The following BICD1 variants were observed in gnomAD, a reference collection of about 807,000 sequenced individuals.
BICD1 encodes the protein BICD cargo adaptor 1.
BICD1 carries 35 observed loss-of-function variants against 92.5 expected under a neutral mutation model. That is an observed-to-expected ratio of 0.38 (90% confidence interval 0.29 to 0.50). BICD1 has a LOEUF of 0.50. BICD1 is among the 20% of genes least tolerant of loss of function. The pLI is 0.93. For missense variants in BICD1, 950 were observed against 1,189.8 expected (o/e 0.80, Z 2.97); for synonymous variants, 429 against 465.1 (o/e 0.92, Z 1.00).
At position 32,153,957 on chromosome 12, in the gene BICD1, G is replaced by A. The variant is rs549652097; in HGVS notation, c.213+46413G>A. Among the ~76,000 whole-genome samples the A allele has an allele frequency of 8.3e-4, 126 of 152,042 alleles. 4 individuals carry two copies. In the South Asian group the frequency reaches 0.024, roughly 30 times the overall value. ...CTGGTCACCATCACTGAATGCTTGC[G>A]GTAGCCATGTGAACATTGTTTATTG... On this transcript the variant is annotated intron_variant, in intron 1 of 9. Transcript: ENST00000652176.
intron 2 of BICD1, among the ~76,000 whole-genome samples, chr12:32,223,432 G>A (rs565266357): frequency 1.3e-5 from 2 of 151,300 alleles, no homozygotes; most frequent in East Asian, 2.0e-4. Context: ...GCGGAGAATC[G>A]CTTGAACGTG....
At chr12:32,229,992 T>C (rs1031108200) in intron 2 of BICD1, among the ~76,000 whole-genome samples, 35 of 152,084 alleles carry the variant, frequency 2.3e-4, no homozygotes, top group African/African-American at 8.4e-4. Context: ...TAATATATGG[T>C]AACACTTGGA....
At chr12:32,266,150 G>T (rs937791928) in intron 2 of BICD1, among the ~76,000 whole-genome samples, 2 of 152,106 alleles carry the variant, frequency 1.3e-5, no homozygotes, top group African/African-American at 4.8e-5. Context: ...CTAGGTCATA[G>T]CCCTGTAGTT....
chr12:32,320,023 A>G (rs1948607237), intron 4 of BICD1, among the ~76,000 whole-genome samples: 1 of 152,180 alleles, frequency 6.6e-6, no homozygotes, highest in African/African-American at 2.4e-5. Context: ...ATTCCCTCAT[A>G]TAGAGTTTCT....
intron 2 of BICD1, among the ~76,000 whole-genome samples, chr12:32,253,725 G>A (rs1397979647): frequency 6.6e-6 from 1 of 152,074 alleles, no homozygotes; most frequent in African/African-American, 2.4e-5. Context: ...CCCTCTAACT[G>A]CAATACAAGC....
chr12:32,342,194 G>A (rs2388984), intron 8 of BICD1, among the ~76,000 whole-genome samples: 9 of 99,216 alleles, frequency 9.1e-5, no homozygotes, highest in Admixed American at 2.2e-4. Flanking sequence ...ATATATATAT[G>A]TGTGTGTGTG....
chr12:32,367,524 AAG>A, intron 8 of BICD1, 144 bp from the exon 9 acceptor site: 1 of 658,736 alleles, frequency 1.5e-6, no homozygotes, highest in Non-Finnish European at 2.5e-6. Context: ...ATCATTCAAG[AAG>A]AAAAAAAAAA....
intron 1 of BICD1, among the ~76,000 whole-genome samples, chr12:32,201,150 G>A (rs1300636367): frequency 1.3e-5 from 2 of 152,114 alleles, no homozygotes; most frequent in Non-Finnish European, 2.9e-5. Flanking sequence ...TTTCCTGAAA[G>A]AAAATCTCCT....
intron 1 of BICD1, chr12:32,108,023 C>T (rs1349228572): frequency 3.0e-6 from 1 of 328,190 alleles, no homozygotes; most frequent in Non-Finnish European, 5.8e-6. Context: ...AGAGGGAACT[C>T]CTCACCAATC....
intron 1 of BICD1, among the ~76,000 whole-genome samples, chr12:32,182,288 T>G (rs1386092283): frequency 7.4e-6 from 1 of 135,018 alleles, no homozygotes; most frequent in African/African-American, 2.7e-5. Flanking sequence ...CTTTTTTTTT[T>G]TTTTTTTTTT....
chr12:32,256,055 A>T (rs1250983389), intron 2 of BICD1, among the ~76,000 whole-genome samples: 2 of 151,828 alleles, frequency 1.3e-5, no homozygotes, highest in East Asian at 3.9e-4. Flanking sequence ...TTGTTATTTT[A>T]TTTTTTATTC....
chr12:32,272,325 T>C (rs1345444248), intron 2 of BICD1, among the ~76,000 whole-genome samples: 2 of 152,152 alleles, frequency 1.3e-5, no homozygotes, highest in Non-Finnish European at 2.9e-5. Flanking sequence ...AACTCAAAAT[T>C]ACAAAGTTTT....
At chr12:32,136,576 A>T (rs553853430) in intron 1 of BICD1, among the ~76,000 whole-genome samples, 38 of 152,314 alleles carry the variant, frequency 2.5e-4, no homozygotes, top group African/African-American at 8.4e-4. Context: ...ATGGACAAAC[A>T]TAATTGGAAG....
chr12:32,160,499 CTT>C (rs879507611), intron 1 of BICD1, among the ~76,000 whole-genome samples: 3 of 143,934 alleles, frequency 2.1e-5, no homozygotes, highest in Admixed American at 1.4e-4. Context: ...AAGTGCCTCA[CTT>C]TTTTTTTTTT....
Position 32,328,318 on chromosome 12 carries a change from G to A in BICD1, c.1863G>A (p.Glu621=). The A allele has an allele frequency of 6.2e-7, 1 of 1,614,206 alleles. No homozygotes were observed. The highest frequency in any genetic ancestry group is 8.5e-7 in the Non-Finnish European group (1 of 1,180,038). ...TGGATACAAGTGACATCCGCAAAGA[G>A]CCAATGAATATCTACAACCTTAATG... The part of the protein sequence containing the change: ...PVLDTSDIRK[E]PMNIYNLNAI... Residue 621 remains glutamate (E), a synonymous_variant, in exon 5 of 10, where the codon GAG becomes GAA. Coordinates refer to ENST00000652176, the MANE Select transcript of BICD1 (RefSeq NM_001714.4). The surrounding 1 kb of genome is among the most constrained non-coding windows in gnomAD (Gnocchi z 4.4).
At chr12:32,267,962 G>A (rs1452878150) in intron 2 of BICD1, among the ~76,000 whole-genome samples, 1 of 144,200 alleles carries the variant, frequency 6.9e-6, no homozygotes, top group Admixed American at 7.1e-5. Context: ...ATCACTTCTG[G>A]CTAATTTAAA....
intron 4 of BICD1, among the ~76,000 whole-genome samples, chr12:32,321,770 G>A (rs182434487): frequency 4.3e-4 from 65 of 152,210 alleles, no homozygotes; most frequent in Admixed American, 7.8e-4. Context: ...AGGCCAAGGC[G>A]GGTGGATCAC....
At chr12:32,244,989 T>C (rs1174659593) in intron 2 of BICD1, among the ~76,000 whole-genome samples, 1 of 152,164 alleles carries the variant, frequency 6.6e-6, no homozygotes, top group African/African-American at 2.4e-5. Flanking sequence ...TTTTAAAATA[T>C]AGACTCTGAA....
At chr12:32,374,734 ATTTTTT>A (rs1179747608) in intron 9 of BICD1, among the ~76,000 whole-genome samples, 6 of 80,120 alleles carry the variant, frequency 7.5e-5, no homozygotes, top group South Asian at 5.3e-4. Context: ...CGCCCGGCTA[ATTTTTT>A]TTTTTTTTTT....
Sources: gnomAD v4.1 joint callset for allele counts (sites outside exome capture counted in the v4.1 genomes callset) on GRCh38, gnomAD v4.1.1 for gene constraint, Gnocchi (gnomAD v3.1) non-coding constraint, MANE v1.5 for transcripts, NCBI Gene and HGNC (gene_info 2026-07-23, HGNC 2026-07-21) for gene names.